Variants in ATP6V0A1 observed in about 807,000 individuals in gnomAD.
ATP6V0A1 encodes ATPase H+ transporting V0 subunit a1.
In ATP6V0A1, 43 loss-of-function variants were observed where a neutral mutation model predicts 105.4. That is an observed-to-expected ratio of 0.41 (90% CI 0.32 to 0.53). The LOEUF is 0.53. Among genes scored for constraint, ATP6V0A1 ranks in the 20% least tolerant of loss-of-function variants. The probability of loss-of-function intolerance (pLI) is 0.30; values close to 1 mark genes in which losing one functional copy is unlikely to be tolerated. For synonymous variants in ATP6V0A1, 362 were observed against 372.8 expected, an observed-to-expected ratio of 0.97 and a Z score of 0.33; for missense variants, 676 against 1,051.1, an observed-to-expected ratio of 0.64 and a Z score of 4.93.
intron 9 of ATP6V0A1, among the ~76,000 whole-genome samples, chr17:42,486,634 C>G (rs1046656544): frequency 6.6e-6 from 1 of 152,188 alleles, no homozygotes; most frequent in Admixed American, 6.5e-5. Context: ...TCCAAGCCCC[C>G]TGTAAAGATC....
chr17:42,492,660 T>C (rs2090766624), intron 11 of ATP6V0A1, among the ~76,000 whole-genome samples: 1 of 147,870 alleles, frequency 6.8e-6, no homozygotes, highest in Non-Finnish European at 1.5e-5. Flanking sequence ...GAGCCGATAT[T>C]GCATTATTGC....
chr17:42,517,274 C>T (rs1022881152), intron 21 of ATP6V0A1, among the ~76,000 whole-genome samples: 14 of 151,892 alleles, frequency 9.2e-5, no homozygotes, highest in Admixed American at 4.6e-4. Flanking sequence ...ACCGAGACTC[C>T]GTCTCAAAAC....
intron 15 of ATP6V0A1, among the ~76,000 whole-genome samples, chr17:42,500,253 C>T (rs1490382927): frequency 6.6e-6 from 1 of 152,040 alleles, no homozygotes; most frequent in African/African-American, 2.4e-5. Flanking sequence ...CCAAGGCGGG[C>T]AGATCACCTG....
rs143180248 is a variant in ATP6V0A1, at chr17:42,463,307, C to A, written c.117+2296C>A. Among the ~76,000 whole-genome samples the A allele has an allele frequency of 1.3e-5, 2 of 152,122 alleles. 1 individual carries two copies. ...ACAGACGTGAGCCACCAGGCCCAGA[C>A]TGAACATTTTCATCAGTCCAGAAAA... On this transcript the variant is annotated intron_variant, in intron 2 of 21. Transcript: ENST00000343619.
chr17:42,513,565 T>G, intron 19 of ATP6V0A1: 1 of 305,488 alleles, frequency 3.3e-6, no homozygotes, highest in East Asian at 7.6e-5. Flanking sequence ...GAAGAACAAA[T>G]GTGTTGAAAA....
At chr17:42,484,434 G>A (rs1307280991) in intron 9 of ATP6V0A1, among the ~76,000 whole-genome samples, 1 of 152,146 alleles carries the variant, frequency 6.6e-6, no homozygotes, top group Admixed American at 6.6e-5. Context: ...AAAAATACAT[G>A]AGTAGTCAGT....
At chr17:42,494,975 T>C (rs1414640399) in intron 12 of ATP6V0A1, 59 bp from the exon 13 acceptor site, 3 of 1,541,524 alleles carry the variant, frequency 1.9e-6, no homozygotes, top group African/African-American at 2.7e-5. Context: ...CTGAATAACA[T>C]TGTCACAATG....
Position 42,521,558 on chromosome 17 carries a change from C to A in ATP6V0A1, c.*438C>A, listed in dbSNP as rs555936169. The A allele has an allele frequency of 6.5e-6, 1 of 153,236 alleles. No homozygotes were observed. The highest frequency in any genetic ancestry group is 1.5e-5 in the Non-Finnish European group (1 of 68,680). The allele number at this position is 153,236 out of a possible 1,614,324, so 9.5% of individuals were successfully genotyped here. On this transcript the variant is annotated 3_prime_UTR_variant, in exon 22 of 22. Transcript: ENST00000343619. The surrounding 1 kb of genome is among the most constrained non-coding windows in gnomAD (Gnocchi z 4.8). ...AGTAGTGGGGGGAGTAATACAGATT[C>A]TTCCCTAGAAGGGGACACTGGTAAC...
chr17:42,514,518 G>C, intron 21 of ATP6V0A1, 58 bp downstream of exon 21: 1 of 1,473,136 alleles, frequency 6.8e-7, no homozygotes, highest in African/African-American at 1.4e-5. Context: ...GCTGCGGTGA[G>C]AGGGCAGCTT....
At position 42,495,291 on chromosome 17, in the gene ATP6V0A1, A is replaced by C. The variant is rs1223045008; in HGVS notation, c.1469+103A>C. On this transcript the variant is annotated intron_variant, in intron 13 of 21. Coordinates refer to ENST00000343619, the MANE Select transcript of ATP6V0A1 (RefSeq NM_001130021.3). ...TGACACTTCTTTAGGAAGTGGTGAC[A>C]GTGTCTCCTCATTCATGCTCCACAC... 1.9e-5 allele frequency: 24 copies of C among 1,247,170 alleles called. 1 individual carries two copies. The South Asian group carries it at 3.1e-4, about 16-fold the overall frequency. The allele number at this position is 1,247,170 out of a possible 1,614,324, so 77.3% of individuals were successfully genotyped here.
At chr17:42,480,570 G>A in intron 7 of ATP6V0A1, 97 bp from the exon 8 acceptor site, 1 of 1,108,462 alleles carries the variant, frequency 9.0e-7, no homozygotes, top group Non-Finnish European at 1.3e-6. Flanking sequence ...CTTAAAAGAT[G>A]CCTGTTGTTC....
At chr17:42,463,677 A>C (rs2086702077) in intron 2 of ATP6V0A1, among the ~76,000 whole-genome samples, 2 of 152,308 alleles carry the variant, frequency 1.3e-5, no homozygotes, top group South Asian at 4.1e-4. Flanking sequence ...TTCTTAAGCA[A>C]ATACAGTTGA....
At chr17:42,470,355 A>C (rs927693493) in intron 5 of ATP6V0A1, 137 bp downstream of exon 5, 1 of 1,075,654 alleles carries the variant, frequency 9.3e-7, no homozygotes, top group Middle Eastern at 3.1e-4. Context: ...TTAGTTACAG[A>C]AATGTGAGAT....
At position 42,499,944 on chromosome 17, in the gene ATP6V0A1, AT is replaced by A. The variant is rs1167810510; in HGVS notation, c.1680-761del. On this transcript the variant is annotated intron_variant, in intron 15 of 21. Coordinates refer to ENST00000343619, the MANE Select transcript of ATP6V0A1 (RefSeq NM_001130021.3). ...CTTGATGTGCAACTCACATAAAATT[AT>A]TAGCTGTGGACTGGGTGTGGGGGCT... 3.9e-5 allele frequency among the ~76,000 whole-genome samples: 6 copies of A among 151,938 alleles called. No individual in the cohort carries two copies. In the East Asian group the frequency reaches 1.2e-3, roughly 29 times the overall value.
chr17:42,503,552 C>A (rs539772258), intron 17 of ATP6V0A1, among the ~76,000 whole-genome samples: 1 of 152,272 alleles, frequency 6.6e-6, no homozygotes, highest in East Asian at 1.9e-4. Context: ...TCCTTAAAAA[C>A]ATCTTTTAAA....
chr17:42,497,360 A>G (rs922183482), intron 14 of ATP6V0A1, among the ~76,000 whole-genome samples: 4 of 148,596 alleles, frequency 2.7e-5, no homozygotes, highest in African/African-American at 7.5e-5. Flanking sequence ...AATATTGACT[A>G]TATATTTTAT....
chr17:42,508,453 G>T lies in ATP6V0A1; in HGVS notation c.2113-119G>T. 4.6e-6 allele frequency: 6 copies of T among 1,314,592 alleles called. No individual in the cohort carries two copies. The South Asian group carries it at 7.3e-5, about 16-fold the overall frequency. The allele number at this position is 1,314,592 out of a possible 1,614,324, so 81.4% of individuals were successfully genotyped here. ...TATGCTGAGGAGGCCTGCCTCCAAC[G>T]TGCTAGCCCATTTAACATGAACAGT... On this transcript the variant is annotated intron_variant, in intron 18 of 21. Coordinates refer to ENST00000343619, the MANE Select transcript of ATP6V0A1 (RefSeq NM_001130021.3).
At chr17:42,487,562 C>T (rs2090220625) in intron 10 of ATP6V0A1, among the ~76,000 whole-genome samples, 195 bp downstream of exon 10, 1 of 152,002 alleles carries the variant, frequency 6.6e-6, no homozygotes, top group South Asian at 2.1e-4. Context: ...CCCGTCTCTA[C>T]TAAAAAATAC....
intron 4 of ATP6V0A1, among the ~76,000 whole-genome samples, chr17:42,469,590 A>C (rs1213865191): frequency 1.3e-5 from 2 of 149,868 alleles, no homozygotes; most frequent in African/African-American, 4.9e-5. Context: ...CCCACCTCAG[A>C]CTCCCTAAGT....
Sources: allele counts gnomAD v4.1 joint callset (sites outside exome capture counted in the v4.1 genomes callset), GRCh38; gene constraint gnomAD v4.1.1; non-coding constraint Gnocchi (gnomAD v3.1); transcripts MANE v1.5; gene names NCBI Gene and HGNC (gene_info 2026-07-23, HGNC 2026-07-21).